The following RAD51B variants were observed in gnomAD, a reference collection of about 807,000 sequenced individuals.
RAD51B encodes the protein RAD51 paralog B, also known as DNA repair protein RAD51 homolog 2.
RAD51B carries 38 observed loss-of-function variants against 42.2 expected under a neutral mutation model. The ratio of observed to expected loss-of-function variants is 0.90; its 90% CI spans 0.70 to 1.18. RAD51B has a LOEUF of 1.18. Ranked by LOEUF, RAD51B falls within the 50% of genes most tolerant of loss-of-function variation. The probability of loss-of-function intolerance (pLI) is 0.00; values close to 1 mark genes in which losing one functional copy is unlikely to be tolerated. For synonymous variants in RAD51B, 154 were observed against 145.2 expected (o/e 1.06, Z -0.43); for missense variants, 373 against 400.7 (o/e 0.93, Z 0.59).
At chr14:68,272,583 T>C (rs2081126995) in intron 7 of RAD51B, among the ~76,000 whole-genome samples, 1 of 137,202 alleles carries the variant, frequency 7.3e-6, no homozygotes, top group African/African-American at 2.7e-5. Context: ...TTATGTTTTC[T>C]GTATAAAAAA....
At chr14:68,402,669 C>A (rs2084142996) in intron 8 of RAD51B, among the ~76,000 whole-genome samples, 1 of 152,176 alleles carries the variant, frequency 6.6e-6, no homozygotes, top group South Asian at 2.1e-4. Context: ...TTTTCAAGCA[C>A]AAACGGGTGC....
chr14:68,659,958 T>C (rs1165491954), intron 11 of RAD51B, among the ~76,000 whole-genome samples: 8 of 152,170 alleles, frequency 5.3e-5, no homozygotes, highest in Admixed American at 3.9e-4. Context: ...CTACAGTGGG[T>C]CAAGAAATAA....
intron 7 of RAD51B, among the ~76,000 whole-genome samples, chr14:68,096,924 A>G (rs2077205842): frequency 6.6e-6 from 1 of 152,238 alleles, no homozygotes; most frequent in Non-Finnish European, 1.5e-5. Context: ...ATAAACTGCC[A>G]AAAATCATTA....
rs186310730 is a variant in RAD51B at position 67,996,878 on chromosome 14, G to A, written c.756+109674G>A. ...CTTAGACAGAGTGGTCAGTGACAGTGGAGGCAGTGAGCTGTGGATTCTAGA... is the reference window on the plus strand; with the variant it reads ...CTTAGACAGAGTGGTCAGTGACAGTAGAGGCAGTGAGCTGTGGATTCTAGA... On this transcript the variant is annotated intron_variant, in intron 7 of 10. Transcript: ENST00000471583. Among the ~76,000 whole-genome samples, 341 of 152,366 alleles carry A rather than the reference G, an allele frequency of 2.2e-3. 4 individuals carry two copies. Among genetic ancestry groups the A allele is most frequent in the African/African-American group, 7.6e-3 (318 of 41,584 alleles).
At chr14:68,206,410 C>G (rs1026222997) in intron 7 of RAD51B, among the ~76,000 whole-genome samples, 1 of 152,144 alleles carries the variant, frequency 6.6e-6, no homozygotes, top group Non-Finnish European at 1.5e-5. Flanking sequence ...GTTGATGATT[C>G]TTGTATAGTC....
At chr14:68,648,713 ACAG>A (rs1892637099) in intron 10 of RAD51B, among the ~76,000 whole-genome samples, 1 of 144,666 alleles carries the variant, frequency 6.9e-6, no homozygotes, top group African/African-American at 2.5e-5. Flanking sequence ...ACACACACAC[ACAG>A]GGAAAAACAA....
chr14:68,306,478 G>A (rs2081864907), intron 8 of RAD51B, among the ~76,000 whole-genome samples: 1 of 152,156 alleles, frequency 6.6e-6, no homozygotes, highest in Non-Finnish European at 1.5e-5. Context: ...GCTGAGACAA[G>A]CATGATTAAT....
chr14:68,075,279 G>C (rs975171199), intron 7 of RAD51B, among the ~76,000 whole-genome samples: 1 of 152,136 alleles, frequency 6.6e-6, no homozygotes, highest in Admixed American at 6.5e-5. Context: ...GCATACTGGA[G>C]GTATGAGTAA....
In RAD51B at chr14:67,845,671, T is replaced by TAC. The variant is rs2041587472; in HGVS notation, c.315+10485_315+10486dup. 7.9e-5 allele frequency among the ~76,000 whole-genome samples: 12 copies of TAC among 152,096 alleles called. No homozygotes were observed. The South Asian group carries it at 2.3e-3, about 29-fold the overall frequency. Reference sequence around the variant, plus strand: ...TGACAGAGTGAAACCCTGTCACATATACACACACACAAAAAAACACACACA... The same window carrying TAC: ...TGACAGAGTGAAACCCTGTCACATATACACACACACACAAAAAAACACACACA... On this transcript the variant is annotated intron_variant, in intron 4 of 10. Transcript: ENST00000471583.
chr14:68,235,548 C>A (rs1322156840), intron 7 of RAD51B, among the ~76,000 whole-genome samples: 1 of 150,370 alleles, frequency 6.7e-6, no homozygotes, highest in Admixed American at 6.6e-5. Context: ...ACTAAAAATA[C>A]AAAAAATTAG....
intron 8 of RAD51B, among the ~76,000 whole-genome samples, chr14:68,354,659 G>C (rs758304846): frequency 6.6e-6 from 1 of 152,050 alleles, no homozygotes; most frequent in South Asian, 2.1e-4. Flanking sequence ...ACTTGAGTCT[G>C]GGAGTCCAAG....
intron 7 of RAD51B, among the ~76,000 whole-genome samples, chr14:67,890,864 G>GT (rs1384715463): frequency 6.6e-6 from 1 of 151,630 alleles, no homozygotes; most frequent in Non-Finnish European, 1.5e-5. Flanking sequence ...AAATTCTTAT[G>GT]TTTTTGTTTT....
At chr14:68,452,780 C>T (rs989498270) in intron 9 of RAD51B, among the ~76,000 whole-genome samples, 7 of 152,168 alleles carry the variant, frequency 4.6e-5, no homozygotes, top group African/African-American at 1.7e-4. Flanking sequence ...TTAATCCTCA[C>T]AATAAGCCTA....
chr14:68,141,331 C>T (rs1028067106), intron 7 of RAD51B, among the ~76,000 whole-genome samples: 1 of 152,110 alleles, frequency 6.6e-6, no homozygotes, highest in African/African-American at 2.4e-5. Flanking sequence ...ATAATCCTCC[C>T]AAGTAAAAGC....
chr14:68,485,691 A>G (rs774364207), intron 10 of RAD51B, among the ~76,000 whole-genome samples: 3 of 152,250 alleles, frequency 2.0e-5, no homozygotes, highest in Admixed American at 6.5e-5. Context: ...GCATTTCTCC[A>G]GCCCCCACCC....
At chr14:68,045,129 G>A (rs144369253) in intron 7 of RAD51B, among the ~76,000 whole-genome samples, 98 of 151,086 alleles carry the variant, frequency 6.5e-4, no homozygotes, top group African/African-American at 2.2e-3. Context: ...CCAGCTACTC[G>A]GGAGGCTGAG....
chr14:68,329,418 G>A (rs1021137392), intron 8 of RAD51B, among the ~76,000 whole-genome samples: 1 of 152,202 alleles, frequency 6.6e-6, no homozygotes, highest in Admixed American at 6.5e-5. Context: ...CCCCATGGAG[G>A]CTACAAGCTA....
intron 4 of RAD51B, among the ~76,000 whole-genome samples, chr14:67,848,452 C>G (rs1251397173): frequency 1.3e-5 from 2 of 152,088 alleles, no homozygotes; most frequent in African/African-American, 4.8e-5. Flanking sequence ...TTCTTCATCC[C>G]TTTTTACTTT....
At chr14:67,997,891 A>T (rs1165840345) in intron 7 of RAD51B, among the ~76,000 whole-genome samples, 1 of 152,224 alleles carries the variant, frequency 6.6e-6, no homozygotes, top group Non-Finnish European at 1.5e-5. Flanking sequence ...CATTATTAAT[A>T]GTAATATGGA....
Sources: gnomAD v4.1 joint callset for allele counts (sites outside exome capture counted in the v4.1 genomes callset) on GRCh38, gnomAD v4.1.1 for gene constraint, MANE v1.5 for transcripts, NCBI Gene and HGNC (gene_info 2026-07-23, HGNC 2026-07-21) for gene names.